The following ATF2 variants were observed in gnomAD, a reference collection of about 807,000 sequenced individuals.
ATF2 encodes the protein cyclic AMP-dependent transcription factor ATF-2.
Under a neutral mutation model 60.6 loss-of-function variants are expected in ATF2, and 24 were observed. That is an observed-to-expected ratio of 0.40 (90% CI 0.29 to 0.56). ATF2 has a LOEUF of 0.56. Among genes scored for constraint, ATF2 ranks in the 20% least tolerant of loss-of-function variants. The pLI is 0.54. For missense variants in ATF2, 433 were observed against 607.7 expected, an observed-to-expected ratio of 0.71 and a Z score of 3.02; for synonymous variants, 206 against 215.4, an observed-to-expected ratio of 0.96 and a Z score of 0.38.
At chr2:175,166,003 A>G (rs1458838551) in intron 1 of ATF2, among the ~76,000 whole-genome samples, 3 of 152,174 alleles carry the variant, frequency 2.0e-5, no homozygotes, top group Non-Finnish European at 2.9e-5. Context: ...AAAAAACGCC[A>G]AAGAAAAAAG....
chr2:175,107,978 C>T (rs1050620524), intron 10 of ATF2, among the ~76,000 whole-genome samples: 1 of 152,182 alleles, frequency 6.6e-6, no homozygotes, highest in Non-Finnish European at 1.5e-5. Context: ...CACCCTCTGC[C>T]CAGCCGCCAC....
At position 175,072,976 on chromosome 2, in the gene ATF2, G is replaced by GA. The variant is rs966196924; in HGVS notation, c.*1632_*1633insT. The GA allele has an allele frequency of 3.9e-5, 6 of 152,202 alleles. No individual in the cohort carries two copies. In the East Asian group the frequency reaches 1.2e-3, roughly 29 times the overall value. 9.4% of individuals were successfully genotyped at this position (152,202 alleles called of 1,614,324 possible). ...TTCCATACAGACTTTTAAAATGTCA[G>GA]TCTCATTAGGAGATGGCACTGAGAC... On this transcript the variant is annotated 3_prime_UTR_variant, in exon 14 of 14. Coordinates refer to ENST00000264110, the MANE Select transcript of ATF2 (RefSeq NM_001880.4).
intron 13 of ATF2, among the ~76,000 whole-genome samples, chr2:175,078,267 T>C (rs888696572): frequency 3.9e-5 from 6 of 152,154 alleles, no homozygotes; most frequent in Non-Finnish European, 7.3e-5. Flanking sequence ...CCACAGTGCC[T>C]GGCCTATACA....
intron 2 of ATF2, among the ~76,000 whole-genome samples, chr2:175,144,529 A>G (rs1233255105): frequency 1.3e-5 from 2 of 152,268 alleles, no homozygotes; most frequent in Non-Finnish European, 2.9e-5. Context: ...CACATCTTCC[A>G]ACTTAAAATT....
intron 9 of ATF2, among the ~76,000 whole-genome samples, chr2:175,113,269 CTTTTT>C (rs766911911): frequency 7.0e-6 from 1 of 143,072 alleles, no homozygotes. Flanking sequence ...TAAACTATTA[CTTTTT>C]TTTTTTTTTT....
intron 2 of ATF2, among the ~76,000 whole-genome samples, chr2:175,146,354 C>A (rs1446984465): frequency 5.3e-5 from 8 of 152,142 alleles, no homozygotes; most frequent in African/African-American, 1.9e-4. Context: ...ATTATCAGAA[C>A]AACTGGAAAA....
intron 10 of ATF2, among the ~76,000 whole-genome samples, chr2:175,099,004 TTAAAA>T (rs1559064224): frequency 6.6e-6 from 1 of 152,198 alleles, no homozygotes; most frequent in Non-Finnish European, 1.5e-5. Flanking sequence ...GGTGTGATTT[TTAAAA>T]TAAAGTCAAT....
intron 11 of ATF2, among the ~76,000 whole-genome samples, chr2:175,095,722 G>A (rs1463777814): frequency 3.3e-5 from 5 of 152,112 alleles, no homozygotes; most frequent in Non-Finnish European, 7.4e-5. Flanking sequence ...CCCTCATGGG[G>A]CTTCCATCCA....
intron 1 of ATF2, among the ~76,000 whole-genome samples, chr2:175,157,417 T>C (rs867171485): frequency 1.3e-5 from 2 of 152,048 alleles, no homozygotes; most frequent in South Asian, 2.1e-4. Flanking sequence ...CCCCTCTCGA[T>C]TGGGCAAGAA....
At chr2:175,077,896 A>T (rs1050691512) in intron 13 of ATF2, among the ~76,000 whole-genome samples, 1 of 152,198 alleles carries the variant, frequency 6.6e-6, no homozygotes, top group Non-Finnish European at 1.5e-5. Flanking sequence ...AGCCACTTCC[A>T]GCTCTACCTA....
chr2:175,121,146 T>C (rs2105715973), intron 5 of ATF2, among the ~76,000 whole-genome samples: 1 of 151,946 alleles, frequency 6.6e-6, no homozygotes, highest in African/African-American at 2.4e-5. Context: ...CTAAATACCA[T>C]GTTAGTTCAA....
At chr2:175,166,634 C>G (rs574352237) in intron 1 of ATF2, among the ~76,000 whole-genome samples, 20 of 152,268 alleles carry the variant, frequency 1.3e-4, no homozygotes, top group Non-Finnish European at 2.5e-4. Context: ...GACTTTTTAA[C>G]AAGCTTTTAT....
intron 1 of ATF2, among the ~76,000 whole-genome samples, chr2:175,167,234 A>G (rs1326137349): frequency 6.6e-6 from 1 of 151,976 alleles, no homozygotes; most frequent in Non-Finnish European, 1.5e-5. Context: ...AAACACGTAC[A>G]CACACTCCCT....
intron 1 of ATF2, among the ~76,000 whole-genome samples, chr2:175,155,128 T>C (rs965066263): frequency 7.2e-5 from 11 of 152,194 alleles, no homozygotes; most frequent in Non-Finnish European, 1.3e-4. Flanking sequence ...AGACAAGTTT[T>C]AAGAAAATCA....
intron 1 of ATF2, among the ~76,000 whole-genome samples, chr2:175,162,897 G>A (rs1700108386): frequency 6.6e-6 from 1 of 152,100 alleles, no homozygotes; most frequent in African/African-American, 2.4e-5. Context: ...ACTTTGGGAG[G>A]CCGAGGTGGG....
At chr2:175,117,678 G>A (rs1696673883) in intron 7 of ATF2, among the ~76,000 whole-genome samples, 1 of 151,884 alleles carries the variant, frequency 6.6e-6, no homozygotes, top group African/African-American at 2.4e-5. Flanking sequence ...TCTTAATTAA[G>A]CTGTTACTGT....
At chr2:175,120,677 GAC>G in intron 5 of ATF2, among the ~76,000 whole-genome samples, 1 of 151,668 alleles carries the variant, frequency 6.6e-6, no homozygotes, top group African/African-American at 2.4e-5. Context: ...AATCTGTGAT[GAC>G]ACAAAGGATC....
At chr2:175,097,386 A>G (rs990728981) in intron 11 of ATF2, 58 bp downstream of exon 11, 2 of 1,581,918 alleles carry the variant, frequency 1.3e-6, no homozygotes, top group East Asian at 2.2e-5. Flanking sequence ...CGTAAGTTAC[A>G]CTGTACTTTT....
At chr2:175,167,681 G>A in intron 1 of ATF2, 1 of 505,062 alleles carries the variant, frequency 2.0e-6, no homozygotes, top group Non-Finnish European at 4.1e-6. Flanking sequence ...CTCGACGCGC[G>A]CCCCGAGGAC....
Sources: allele counts gnomAD v4.1 joint callset (sites outside exome capture counted in the v4.1 genomes callset), GRCh38; gene constraint gnomAD v4.1.1; transcripts MANE v1.5; gene names NCBI Gene and HGNC (gene_info 2026-07-23, HGNC 2026-07-21).